OLFM3: variants seen among roughly 807,000 people sequenced by gnomAD.
OLFM3 encodes olfactomedin 3, also known as noelin-3.
In OLFM3, 20 loss-of-function variants were observed where a neutral mutation model predicts 48.6. That is an observed-to-expected ratio of 0.41 (90% confidence interval 0.29 to 0.60). The LOEUF (loss-of-function observed/expected upper bound fraction) is 0.60. OLFM3 is among the 20% of genes least tolerant of loss of function. The pLI is 0.28. For synonymous variants in OLFM3, 222 were observed against 198.1 expected (o/e 1.12, Z -1.01); for missense variants, 437 against 544.3 (o/e 0.80, Z 1.96).
rs1658402465 is a variant in OLFM3, at chr1:101,901,986, A to T, written c.70-64961T>A. Among the ~76,000 whole-genome samples the T allele has an allele frequency of 5.3e-5, 8 of 152,064 alleles. No individual in the cohort carries two copies. In the South Asian group the frequency reaches 1.7e-3, roughly 31 times the overall value. On this transcript the variant is annotated intron_variant, in intron 1 of 5. Transcript: ENST00000370103. ...CATCTGCGTGGAGATGAGATAAAAA[A>T]ACTTCAGAATGAATGAAATTATTAG...
rs190471378 is a variant in OLFM3 at position 101,828,355 on chromosome 1, A to G, written c.372+2317T>C. 5.3e-4 allele frequency among the ~76,000 whole-genome samples: 80 copies of G among 152,300 alleles called. 1 individual carries two copies. The highest frequency in any genetic ancestry group is 8.5e-4 in the Admixed American group (13 of 15,304). The stretch of plus-strand genomic sequence containing the variant: ...TAATATACTGAAAGTGCTCAGAACT[A>G]TACCTTGAATATGTATAATATTCTG... On this transcript the variant is annotated intron_variant, in intron 3 of 5. Transcript: ENST00000370103.
chr1:101,885,195 T>A (rs1316194837), intron 1 of OLFM3, among the ~76,000 whole-genome samples: 1 of 151,946 alleles, frequency 6.6e-6, no homozygotes, highest in African/African-American at 2.4e-5. Flanking sequence ...AGGTGGCGAA[T>A]AAAGGGTTTT....
At chr1:101,982,836 AC>A (rs1173473520) in intron 1 of OLFM3, among the ~76,000 whole-genome samples, 4 of 152,026 alleles carry the variant, frequency 2.6e-5, no homozygotes, top group Admixed American at 2.6e-4. Flanking sequence ...AAGATCTGGG[AC>A]TTATCCGCCT....
intron 1 of OLFM3, among the ~76,000 whole-genome samples, chr1:101,905,670 A>T (rs1658526546): frequency 6.6e-6 from 1 of 152,144 alleles, no homozygotes; most frequent in African/African-American, 2.4e-5. Context: ...AAGGCGCTTT[A>T]AACATTGTGA....
At chr1:101,934,284 T>C (rs1287724123) in intron 1 of OLFM3, among the ~76,000 whole-genome samples, 1 of 152,046 alleles carries the variant, frequency 6.6e-6, no homozygotes, top group East Asian at 1.9e-4. Flanking sequence ...ACAAAGCTAA[T>C]TAAAAAAATT....
intron 1 of OLFM3, among the ~76,000 whole-genome samples, chr1:101,935,920 C>T (rs896156357): frequency 2.0e-5 from 3 of 152,118 alleles, no homozygotes; most frequent in Non-Finnish European, 2.9e-5. Context: ...TAAAATTCAA[C>T]GTCCCTTTGT....
chr1:101,967,928 G>A lies in OLFM3; in HGVS notation c.69+28820C>T, dbSNP rs377524598. Among the ~76,000 whole-genome samples, 40 of 152,202 alleles carry A rather than the reference G, an allele frequency of 2.6e-4. No homozygotes were observed. The South Asian group carries it at 7.9e-3, about 30-fold the overall frequency. ...ATTTTCCCTTTTACCACCGACTCTT[G>A]TCCTGAAAGGTTGGTTGCCTGTTAT... is the stretch of plus-strand genomic sequence containing the variant. On this transcript the variant is annotated intron_variant, in intron 1 of 5. Coordinates refer to ENST00000370103, the MANE Select transcript of OLFM3 (RefSeq NM_058170.4).
chr1:101,876,648 T>C (rs1657312298), intron 1 of OLFM3, among the ~76,000 whole-genome samples: 1 of 151,978 alleles, frequency 6.6e-6, no homozygotes, highest in African/African-American at 2.4e-5. Context: ...TAAGAGATAA[T>C]TTTAGCATTA....
At chr1:101,918,369 G>A (rs540911993) in intron 1 of OLFM3, among the ~76,000 whole-genome samples, 89 of 152,190 alleles carry the variant, frequency 5.8e-4, no homozygotes, top group African/African-American at 2.1e-3. Flanking sequence ...AGGTATCGTG[G>A]GGCTGAAATC....
chr1:101,990,303 T>C lies in OLFM3; in HGVS notation c.69+6445A>G, dbSNP rs530719428. Among the ~76,000 whole-genome samples, 9 of 152,296 alleles carry C rather than the reference T, an allele frequency of 5.9e-5. No homozygotes were observed. The South Asian group carries it at 1.9e-3, about 32-fold the overall frequency. On this transcript the variant is annotated intron_variant, in intron 1 of 5. Transcript: ENST00000370103. ...ATACAATATTCATTTTTCACAAAGC[T>C]GAGAAGAGGAAACAGCAAGAGTGAA...
At chr1:101,979,462 T>G (rs772928248) in intron 1 of OLFM3, among the ~76,000 whole-genome samples, 5 of 152,146 alleles carry the variant, frequency 3.3e-5, no homozygotes, top group Non-Finnish European at 7.4e-5. Context: ...TGAGTTCTCA[T>G]GAGATCTGAT....
intron 4 of OLFM3, among the ~76,000 whole-genome samples, chr1:101,819,585 G>A (rs565686766): frequency 3.9e-5 from 6 of 152,132 alleles, no homozygotes; most frequent in African/African-American, 9.6e-5. Context: ...AAAAGATGTG[G>A]CGATTGCATG....
intron 1 of OLFM3, among the ~76,000 whole-genome samples, chr1:101,907,052 T>TA (rs1173962960): frequency 6.6e-6 from 1 of 152,136 alleles, no homozygotes; most frequent in South Asian, 2.1e-4. Flanking sequence ...TCTGTGACAA[T>TA]AAAAAAAGAT....
intron 3 of OLFM3, among the ~76,000 whole-genome samples, chr1:101,828,054 C>CTG (rs1654963584): frequency 3.5e-5 from 4 of 113,746 alleles, no homozygotes; most frequent in African/African-American, 1.3e-4. Flanking sequence ...CTGTCTGTCT[C>CTG]TCTCTCTCTC....
intron 1 of OLFM3, among the ~76,000 whole-genome samples, chr1:101,968,730 T>G (rs1183898075): frequency 6.6e-6 from 1 of 152,200 alleles, no homozygotes; most frequent in East Asian, 1.9e-4. Context: ...CTCAATGACT[T>G]CAGTCTGAGA....
At chr1:101,982,492 C>T (rs1022012084) in intron 1 of OLFM3, among the ~76,000 whole-genome samples, 1 of 152,092 alleles carries the variant, frequency 6.6e-6, no homozygotes, top group Non-Finnish European at 1.5e-5. Flanking sequence ...TATGTGTTAA[C>T]TTGACCAGGC....
Position 101,804,028 on chromosome 1 carries a change from A to G in OLFM3, c.*210T>C. On this transcript the variant is annotated 3_prime_UTR_variant, in exon 6 of 6. Transcript: ENST00000370103. The surrounding 1 kb of genome is among the most constrained non-coding windows in gnomAD (Gnocchi z 4.5). ...TAGTGCTTTTCATGACAAGGACATG[A>G]TAGGCCTTGTAAATTTAGAAGTTAA... 1 of 428,126 alleles carries G rather than the reference A, an allele frequency of 2.3e-6. No homozygotes were observed. Among genetic ancestry groups the G allele is most frequent in the South Asian group, 4.6e-5 (1 of 21,554 alleles). The allele number at this position is 428,126 out of a possible 1,614,324, so 26.5% of individuals were successfully genotyped here. A position where few individuals can be genotyped will look rare whatever the true frequency, so the allele number is the denominator to read the frequency against.
chr1:101,849,274 A>G (rs1015717079), intron 1 of OLFM3, among the ~76,000 whole-genome samples: 3 of 152,246 alleles, frequency 2.0e-5, no homozygotes, highest in Admixed American at 6.5e-5. Flanking sequence ...TACTGAAGTG[A>G]TATCCATTTG....
intron 1 of OLFM3, among the ~76,000 whole-genome samples, chr1:101,951,133 A>G (rs1376152951): frequency 6.6e-6 from 1 of 152,180 alleles, no homozygotes; most frequent in Non-Finnish European, 1.5e-5. Flanking sequence ...GATTTTTAGC[A>G]CTTGAATTTT....
Sources: allele counts gnomAD v4.1 joint callset (sites outside exome capture counted in the v4.1 genomes callset), GRCh38; gene constraint gnomAD v4.1.1; non-coding constraint Gnocchi (gnomAD v3.1); transcripts MANE v1.5; gene names NCBI Gene and HGNC (gene_info 2026-07-23, HGNC 2026-07-21).